The following IMMP2L variants were observed in gnomAD, a reference collection of about 807,000 sequenced individuals.
IMMP2L encodes mitochondrial inner membrane protease subunit 2.
Under a neutral mutation model 19.3 loss-of-function variants are expected in IMMP2L, and 18 were observed. That is an observed-to-expected ratio of 0.93 (90% CI 0.64 to 1.38). IMMP2L has a LOEUF of 1.38. IMMP2L is among the 40% of genes most tolerant of loss of function. The probability of loss-of-function intolerance (pLI) is 0.00; values close to 1 mark genes in which losing one functional copy is unlikely to be tolerated. For synonymous variants in IMMP2L, 76 were observed against 73.0 expected (o/e 1.04, Z -0.21); for missense variants, 233 against 218.2 (o/e 1.07, Z -0.43).
intron 5 of IMMP2L, among the ~76,000 whole-genome samples, chr7:110,860,410 G>A (rs570163780): frequency 6.6e-6 from 1 of 152,166 alleles, no homozygotes; most frequent in South Asian, 2.1e-4. Context: ...GCAATGTCAT[G>A]TTGATGGTAA....
intron 3 of IMMP2L, among the ~76,000 whole-genome samples, chr7:111,041,587 T>G (rs149670250): frequency 8.6e-5 from 13 of 151,738 alleles, no homozygotes; most frequent in African/African-American, 3.1e-4. Flanking sequence ...TCACTCTCAG[T>G]CTACATTTCT....
Position 110,719,535 on chromosome 7 carries a change from C to T in IMMP2L, c.409-55814G>A, listed in dbSNP as rs536836334. Among the ~76,000 whole-genome samples the T allele has an allele frequency of 2.2e-4, 33 of 152,260 alleles. No individual in the cohort carries two copies. The South Asian group carries it at 6.6e-3, about 31-fold the overall frequency. On this transcript the variant is annotated intron_variant, in intron 5 of 5. Coordinates refer to ENST00000405709, the MANE Select transcript of IMMP2L (RefSeq NM_032549.4). ...ATTATTAAAATACAAAAATGTACTTCTCAAAATATATCCTAATATTTTCCT... is the reference window on the plus strand; with the variant it reads ...ATTATTAAAATACAAAAATGTACTTTTCAAAATATATCCTAATATTTTCCT...
At chr7:111,451,755 G>GA (rs1174560697) in intron 3 of IMMP2L, among the ~76,000 whole-genome samples, 1 of 149,898 alleles carries the variant, frequency 6.7e-6, no homozygotes, top group African/African-American at 2.5e-5. Context: ...GAGAATAAAG[G>GA]AAAAAAGCAG....
In IMMP2L at chr7:111,281,196, A is replaced by AAG. The variant is rs1422484269; in HGVS notation, c.239+206040_239+206041dup. Among the ~76,000 whole-genome samples, 315 of 54,266 alleles carry AAG rather than the reference A, an allele frequency of 5.8e-3. 4 individuals are homozygous for AAG. The highest frequency in any genetic ancestry group is 0.022 in the African/African-American group (301 of 13,756). 35.6% of individuals were successfully genotyped at this position (54,266 alleles called of 152,430 possible). ...AAAGAAAGAAAGAAAGAAAGAAAGA[A>AAG]AGAAAGAAAGAAAGAAAGAAAAAGA... is the stretch of plus-strand genomic sequence containing the variant. On this transcript the variant is annotated intron_variant, in intron 3 of 5. Transcript: ENST00000405709.
At chr7:111,487,932 T>C (rs1772696203) in intron 2 of IMMP2L, among the ~76,000 whole-genome samples, 1 of 152,136 alleles carries the variant, frequency 6.6e-6, no homozygotes, top group Admixed American at 6.5e-5. Flanking sequence ...GCTTTCATCC[T>C]AGGATTCAGA....
At position 111,362,951 on chromosome 7, in the gene IMMP2L, GA is replaced by G. The variant is rs528457917; in HGVS notation, c.239+124286del. On this transcript the variant is annotated intron_variant, in intron 3 of 5. Coordinates refer to ENST00000405709, the MANE Select transcript of IMMP2L (RefSeq NM_032549.4). ...AGGACCAATTTTAGGACAGACTATG[GA>G]AACTGAGGACTTAGATTCCTTCAAA... Among the ~76,000 whole-genome samples the G allele has an allele frequency of 7.2e-5, 11 of 152,150 alleles. No homozygotes were observed. In the South Asian group the frequency reaches 2.3e-3, roughly 32 times the overall value.
At chr7:111,087,242 G>A (rs1796421731) in intron 3 of IMMP2L, among the ~76,000 whole-genome samples, 1 of 152,076 alleles carries the variant, frequency 6.6e-6, no homozygotes. Context: ...GAGGTCAGGA[G>A]ATCGAGACCA....
intron 5 of IMMP2L, among the ~76,000 whole-genome samples, chr7:110,858,224 T>C (rs565166876): frequency 1.3e-5 from 2 of 152,252 alleles, no homozygotes; most frequent in East Asian, 3.9e-4. Flanking sequence ...TTTTATCAGT[T>C]GATTTAAAGT....
Position 110,662,784 on chromosome 7 carries a change from C to A in IMMP2L, c.*818G>T, listed in dbSNP as rs1262336869. On this transcript the variant is annotated 3_prime_UTR_variant, in exon 6 of 6. Coordinates refer to ENST00000405709, the MANE Select transcript of IMMP2L (RefSeq NM_032549.4). ...GGGAAGAAAATCAAACGTGGCTGATCTGGACTGTTTTTTCTTCTATTTCAC... is the reference window on the plus strand; with the variant it reads ...GGGAAGAAAATCAAACGTGGCTGATATGGACTGTTTTTTCTTCTATTTCAC... 6.6e-6 allele frequency among the ~76,000 whole-genome samples: 1 copy of A among 152,156 alleles called. No homozygotes were observed. The highest frequency in any genetic ancestry group is 3.2e-3 in the Middle Eastern group (1 of 316).
chr7:110,685,595 G>A (rs901325238), intron 5 of IMMP2L, among the ~76,000 whole-genome samples: 1 of 152,104 alleles, frequency 6.6e-6, no homozygotes, highest in Non-Finnish European at 1.5e-5. Context: ...GTTAGCTGGT[G>A]ATACTAGTTT....
At chr7:110,834,776 G>C (rs1563010065) in intron 5 of IMMP2L, among the ~76,000 whole-genome samples, 1 of 152,172 alleles carries the variant, frequency 6.6e-6, no homozygotes, top group Non-Finnish European at 1.5e-5. Context: ...GAATTGTAGG[G>C]ATTAAGACAA....
At chr7:110,977,107 G>A (rs747527701) in intron 3 of IMMP2L, among the ~76,000 whole-genome samples, 1 of 151,978 alleles carries the variant, frequency 6.6e-6, no homozygotes, top group Non-Finnish European at 1.5e-5. Context: ...AGGCTGTGGT[G>A]TTAGGGTACA....
chr7:111,516,450 G>C (rs1005171739), intron 2 of IMMP2L, among the ~76,000 whole-genome samples: 1 of 152,034 alleles, frequency 6.6e-6, no homozygotes, highest in Non-Finnish European at 1.5e-5. Context: ...TGGTGTATCT[G>C]GGTAGAGAAG....
chr7:110,665,493 C>T (rs1033528372), intron 5 of IMMP2L, among the ~76,000 whole-genome samples: 2 of 152,124 alleles, frequency 1.3e-5, no homozygotes, highest in African/African-American at 4.8e-5. Context: ...CCAATTGTCC[C>T]ACTGATGTCT....
chr7:111,304,706 GT>G (rs1332542347), intron 3 of IMMP2L, among the ~76,000 whole-genome samples: 1 of 150,490 alleles, frequency 6.6e-6, no homozygotes, highest in African/African-American at 2.4e-5. Flanking sequence ...GTGTGTGTGT[GT>G]GTGTGTGTGT....
In IMMP2L at chr7:111,224,807, C is replaced by T. The variant is rs1812903534; in HGVS notation, c.240-261242G>A. On this transcript the variant is annotated intron_variant, in intron 3 of 5. Coordinates refer to ENST00000405709, the MANE Select transcript of IMMP2L (RefSeq NM_032549.4). ...CTAGCAGCTTAGCATAAATCAAAGC[C>T]TTGGCACCAAACTTTACTGAGTCAT... is the stretch of plus-strand genomic sequence containing the variant. Among the ~76,000 whole-genome samples, 3 of 152,086 alleles carry T rather than the reference C, an allele frequency of 2.0e-5. No individual in the cohort carries two copies. In the South Asian group the frequency reaches 6.2e-4, roughly 32 times the overall value.
chr7:110,949,023 C>A (rs1045382386), intron 4 of IMMP2L, among the ~76,000 whole-genome samples: 6 of 152,288 alleles, frequency 3.9e-5, no homozygotes, highest in South Asian at 2.1e-4. Flanking sequence ...GTTCTCAGGC[C>A]TCTGGCCTCA....
At chr7:111,068,612 T>A (rs1375521458) in intron 3 of IMMP2L, among the ~76,000 whole-genome samples, 1 of 152,194 alleles carries the variant, frequency 6.6e-6, no homozygotes, top group African/African-American at 2.4e-5. Context: ...AGTAATAAAT[T>A]ACAATCATTC....
At chr7:111,465,645 A>G (rs1444780670) in intron 3 of IMMP2L, among the ~76,000 whole-genome samples, 16 of 152,078 alleles carry the variant, frequency 1.1e-4, no homozygotes, top group South Asian at 2.1e-4. Flanking sequence ...ACACCAGTTA[A>G]AATGGCAATC....
Sources: gnomAD v4.1 joint callset for allele counts (sites outside exome capture counted in the v4.1 genomes callset) on GRCh38, gnomAD v4.1.1 for gene constraint, MANE v1.5 for transcripts, NCBI Gene and HGNC (gene_info 2026-07-23, HGNC 2026-07-21) for gene names.